The following OR2L13 variants were observed in gnomAD, a reference collection of about 807,000 sequenced individuals.
OR2L13 encodes the protein olfactory receptor family 2 subfamily L member 13, also known as olfactory receptor 2L13.
In OR2L13, 14 loss-of-function variants were observed where a neutral mutation model predicts 15.3. The ratio of observed to expected loss-of-function variants is 0.91; its 90% confidence interval spans 0.60 to 1.43. The LOEUF (loss-of-function observed/expected upper bound fraction) is 1.43. Among genes scored for constraint, OR2L13 ranks in the 40% most tolerant of loss-of-function variants. The pLI is 0.00. For missense variants in OR2L13, 367 were observed against 387.9 expected, an observed-to-expected ratio of 0.95 and a Z score of 0.45; for synonymous variants, 152 against 142.9, an observed-to-expected ratio of 1.06 and a Z score of -0.45.
At chr1:247,942,913 C>T in the OR2L13 span, among the ~76,000 whole-genome samples, 1 of 151,046 alleles carries the variant, frequency 6.6e-6, no homozygotes, top group Non-Finnish European at 1.5e-5. Flanking sequence ...GTCCACTCTT[C>T]CACTTCCTCT....
chr1:248,048,865 C>T, the OR2L13 span, among the ~76,000 whole-genome samples: 115 of 151,738 alleles, frequency 7.6e-4, no homozygotes, highest in Admixed American at 1.3e-3. Flanking sequence ...TATAAAACTT[C>T]CAGCAAAGCC....
At chr1:248,068,354 C>G in the OR2L13 span, among the ~76,000 whole-genome samples, 1 of 152,110 alleles carries the variant, frequency 6.6e-6, no homozygotes, top group Non-Finnish European at 1.5e-5. Context: ...ATCCGCTGTT[C>G]TGCAGCCACT....
chr1:247,978,105 A>G, the OR2L13 span, among the ~76,000 whole-genome samples: 3 of 152,286 alleles, frequency 2.0e-5, no homozygotes, highest in East Asian at 3.9e-4. Context: ...TGTACCAATC[A>G]GCACTCTGTA....
At chr1:248,064,376 C>T in the OR2L13 span, among the ~76,000 whole-genome samples, 1 of 152,100 alleles carries the variant, frequency 6.6e-6, no homozygotes, top group African/African-American at 2.4e-5. Flanking sequence ...AGAAAGCAAG[C>T]CTTCTCAGGA....
the OR2L13 span, among the ~76,000 whole-genome samples, chr1:248,079,396 T>A: frequency 4.9e-4 from 75 of 152,266 alleles, no homozygotes; most frequent in African/African-American, 1.6e-3. Context: ...AAATACTTAC[T>A]GCAATCTGAA....
the OR2L13 span, among the ~76,000 whole-genome samples, chr1:248,027,372 C>T: frequency 7.9e-5 from 12 of 152,134 alleles, no homozygotes; most frequent in African/African-American, 1.9e-4. Context: ...CCTGTGGTCC[C>T]GTGATCTCGC....
chr1:248,038,043 T>G, the OR2L13 span: 3 of 415,950 alleles, frequency 7.2e-6, no homozygotes, highest in South Asian at 8.7e-5. Context: ...AATTGTTCTA[T>G]TTTATTTGTA....
chr1:248,039,371 C>G, the OR2L13 span: 3 of 478,034 alleles, frequency 6.3e-6, no homozygotes, highest in African/African-American at 6.9e-5. Flanking sequence ...CATATTAATA[C>G]ATATTCTAAG....
chr1:247,999,616 G>T, the OR2L13 span, among the ~76,000 whole-genome samples: 1 of 152,164 alleles, frequency 6.6e-6, no homozygotes, highest in Non-Finnish European at 1.5e-5. Flanking sequence ...CTATTGTGGA[G>T]GAACTTGAAG....
At chr1:247,983,334 C>G in the OR2L13 span, among the ~76,000 whole-genome samples, 1 of 152,076 alleles carries the variant, frequency 6.6e-6, no homozygotes, top group Admixed American at 6.5e-5. Context: ...AGACGTCGCC[C>G]GGGTTGAATG....
At chr1:247,996,147 A>G in the OR2L13 span, among the ~76,000 whole-genome samples, 1 of 151,926 alleles carries the variant, frequency 6.6e-6, no homozygotes, top group African/African-American at 2.4e-5. Flanking sequence ...CTCAACTTCT[A>G]CTGTTTTGGT....
At chr1:248,045,414 T>C in the OR2L13 span, among the ~76,000 whole-genome samples, 1 of 152,194 alleles carries the variant, frequency 6.6e-6, no homozygotes, top group Admixed American at 6.5e-5. Flanking sequence ...ATATCCACCA[T>C]ATTTGCATAC....
the OR2L13 span, among the ~76,000 whole-genome samples, chr1:248,018,744 T>G: frequency 6.6e-6 from 1 of 152,192 alleles, no homozygotes; most frequent in African/African-American, 2.4e-5. Flanking sequence ...CCACCATGCA[T>G]CTCCAGAACA....
At chr1:248,081,347 T>C in the OR2L13 span, among the ~76,000 whole-genome samples, 1 of 152,210 alleles carries the variant, frequency 6.6e-6, no homozygotes, top group Non-Finnish European at 1.5e-5. Flanking sequence ...TGCATTTTTA[T>C]TAATGTCTTA....
chr1:248,071,088 T>C, the OR2L13 span, among the ~76,000 whole-genome samples: 35 of 152,118 alleles, frequency 2.3e-4, no homozygotes, highest in African/African-American at 8.2e-4. Flanking sequence ...ACTATTCCAA[T>C]CAATAGAAAA....
At chr1:248,090,717 C>T (rs868287401), upstream of OR2L13, among the ~76,000 whole-genome samples, 3 of 152,080 alleles carry the variant, frequency 2.0e-5, no homozygotes, top group South Asian at 4.2e-4. Context: ...TCCATGTCTT[C>T]GCTATTGTGA....
the OR2L13 span, among the ~76,000 whole-genome samples, chr1:247,938,686 A>G: frequency 1.3e-5 from 2 of 152,136 alleles, no homozygotes; most frequent in East Asian, 1.9e-4. Flanking sequence ...ACACACACAT[A>G]TATTTTTCTT....
chr1:248,010,230 C>T, the OR2L13 span, among the ~76,000 whole-genome samples: 2 of 152,098 alleles, frequency 1.3e-5, no homozygotes, highest in East Asian at 1.9e-4. Context: ...AAAATTATCT[C>T]TCTTTGCAGA....
the OR2L13 span, chr1:248,055,890 A>C: frequency 6.7e-6 from 1 of 149,520 alleles, no homozygotes; most frequent in Non-Finnish European, 1.5e-5. Flanking sequence ...GCTGTAATCC[A>C]TCTGAACCTG....
Sources: gnomAD v4.1 joint callset for allele counts (sites outside exome capture counted in the v4.1 genomes callset) on GRCh38, gnomAD v4.1.1 for gene constraint, MANE v1.5 for transcripts, NCBI Gene and HGNC (gene_info 2026-07-23, HGNC 2026-07-21) for gene names.